Variants in DBF4 observed in about 807,000 individuals in gnomAD.
DBF4 encodes the protein DBF4-CDC7 kinase regulatory subunit, also known as protein DBF4 homolog A.
DBF4 carries 25 observed loss-of-function variants against 76.6 expected under a neutral mutation model. The ratio of observed to expected loss-of-function variants is 0.33; its 90% confidence interval spans 0.24 to 0.46. DBF4 has a LOEUF of 0.46. Ranked by LOEUF, DBF4 falls within the 20% of genes least tolerant of loss-of-function variation. DBF4 has a pLI of 1.00. For missense variants in DBF4, 638 were observed against 760.8 expected (o/e 0.84, Z 1.90); for synonymous variants, 213 against 258.0 (o/e 0.83, Z 1.67).
chr7:87,888,419 C>G, intron 6 of DBF4: 2 of 709,960 alleles, frequency 2.8e-6, no homozygotes, highest in Non-Finnish European at 3.5e-6. Context: ...TCCTTTTCAA[C>G]TGCTCTAAAT....
chr7:87,876,559 G>A lies in DBF4; in HGVS notation c.-174G>A, dbSNP rs915024538. On this transcript the variant is annotated 5_prime_UTR_variant, in exon 1 of 12. Transcript: ENST00000265728. ...CTTCCTCCTCCGCGCCTTGGAGCCGGATCCGGCCCCGGAAACCCGACCTGC... is the reference window on the plus strand; with the variant it reads ...CTTCCTCCTCCGCGCCTTGGAGCCGAATCCGGCCCCGGAAACCCGACCTGC... The A allele has an allele frequency of 7.5e-6, 5 of 664,986 alleles. No homozygotes were observed. The highest frequency in any genetic ancestry group is 1.8e-5 in the South Asian group (1 of 57,112). 41.2% of individuals were successfully genotyped at this position (664,986 alleles called of 1,614,324 possible).
chr7:87,886,459 C>T (rs930628639), intron 3 of DBF4, among the ~76,000 whole-genome samples: 4 of 138,448 alleles, frequency 2.9e-5, no homozygotes, highest in East Asian at 4.5e-4. Context: ...CACTTGAACC[C>T]GGGAGGCAGA....
At chr7:87,889,353 C>T (rs1475330537) in intron 6 of DBF4, among the ~76,000 whole-genome samples, 1 of 151,074 alleles carries the variant, frequency 6.6e-6, no homozygotes, top group Non-Finnish European at 1.5e-5. Context: ...CATCTCAGCT[C>T]ACTGCAACCT....
intron 6 of DBF4, among the ~76,000 whole-genome samples, chr7:87,889,685 C>T (rs1270152152): frequency 1.3e-5 from 2 of 151,980 alleles, no homozygotes; most frequent in Admixed American, 6.6e-5. Context: ...AATAAATTCA[C>T]GTTTATATAA....
chr7:87,901,757 T>C (rs1839795564), intron 10 of DBF4, among the ~76,000 whole-genome samples: 3 of 152,190 alleles, frequency 2.0e-5, no homozygotes. Context: ...GCTTGGACAG[T>C]GTTTGGCACA....
At chr7:87,893,355 C>T (rs2131059867) in intron 6 of DBF4, among the ~76,000 whole-genome samples, 1 of 151,350 alleles carries the variant, frequency 6.6e-6, no homozygotes, top group South Asian at 2.1e-4. Flanking sequence ...ACGCCATTCT[C>T]CTGCCTCAGC....
Position 87,900,699 on chromosome 7 carries a change from A to G in DBF4, c.810-65A>G, listed in dbSNP as rs1584370402. On this transcript the variant is annotated intron_variant, in intron 9 of 11. Coordinates refer to ENST00000265728, the MANE Select transcript of DBF4 (RefSeq NM_006716.4). ...AGATTGTGTGTGATAGTTTAGGACA[A>G]TAAATTTTTAAAGTTATTCCTTAGG... 3.0e-6 allele frequency: 4 copies of G among 1,339,442 alleles called. No homozygotes were observed. In the East Asian group the frequency reaches 6.9e-5, roughly 23 times the overall value. 83.0% of individuals were successfully genotyped at this position (1,339,442 alleles called of 1,614,324 possible).
In DBF4 at chr7:87,897,376, A is replaced by G. The variant is rs1839668746; in HGVS notation, c.680+37A>G. 2.5e-6 allele frequency: 4 copies of G among 1,587,870 alleles called. No homozygotes were observed. The South Asian group carries it at 4.6e-5, about 18-fold the overall frequency. ...AGTCCAATCTGTATGATTTAAGTGCAATACTAAAGAGGAAAATCACCTAAC... is the reference window on the plus strand; with the variant it reads ...AGTCCAATCTGTATGATTTAAGTGCGATACTAAAGAGGAAAATCACCTAAC... On this transcript the variant is annotated intron_variant, in intron 8 of 11. Transcript: ENST00000265728.
chr7:87,903,495 C>CT (rs1225120112), intron 10 of DBF4, among the ~76,000 whole-genome samples: 1 of 152,132 alleles, frequency 6.6e-6, no homozygotes, highest in Non-Finnish European at 1.5e-5. Flanking sequence ...CGAATCTTGG[C>CT]TTTTTTAGTA....
At chr7:87,894,111 T>A (rs931264137) in intron 6 of DBF4, among the ~76,000 whole-genome samples, 1 of 152,210 alleles carries the variant, frequency 6.6e-6, no homozygotes, top group Non-Finnish European at 1.5e-5. Flanking sequence ...TTAGTACATC[T>A]TCTTATAATG....
At chr7:87,888,098 G>T in intron 6 of DBF4, 39 bp downstream of exon 6, 1 of 1,524,022 alleles carries the variant, frequency 6.6e-7, no homozygotes, top group Non-Finnish European at 8.8e-7. Flanking sequence ...GACCAAGCTT[G>T]GTTTTTTTAC....
chr7:87,885,310 T>A (rs997969432), intron 3 of DBF4, 152 bp downstream of exon 3: 2 of 577,294 alleles, frequency 3.5e-6, no homozygotes, highest in Non-Finnish European at 5.8e-6. Context: ...AAAGTTGCTG[T>A]CTTTTAGGAA....
chr7:87,900,330 C>G lies in DBF4; in HGVS notation c.790C>G (p.Gln264Glu), dbSNP rs771444137. 2.5e-6 allele frequency: 4 copies of G among 1,590,060 alleles called. No homozygotes were observed. The African/African-American group carries it at 4.2e-5, about 17-fold the overall frequency. Residue 264 changes from glutamine to glutamate, a missense_variant, in exon 9 of 12, where the codon CAA (glutamine) becomes GAA (glutamate). By Grantham distance (29) the Gln-to-Glu change is conservative. Transcript: ENST00000265728. ...DVDKPSSMQK[Q>E]TQVKLRIQTD... ...AGACAAGCCATCTAGTATGCAAAAG[C>G]AAACTCAGGTTAAACTAAGGTTGGT... is the stretch of plus-strand genomic sequence containing the variant.
In DBF4 at chr7:87,878,222, A is replaced by C; in HGVS notation, c.216A>C (p.Gly72=). ...TTCAAAAGGACATTAAGGATCTGGG[A>C]GGGGTAAGTGAAAACCGTACACTGG... ...EKLQKDIKDL[G]GRVEEFLSKD... is the part of the protein sequence containing the mutation. Residue 72 remains glycine (G), a synonymous_variant, in exon 2 of 12, where the codon GGA becomes GGC. Coordinates refer to ENST00000265728, the MANE Select transcript of DBF4 (RefSeq NM_006716.4). 6.2e-7 allele frequency: 1 copy of C among 1,609,088 alleles called. No homozygotes were observed. Among genetic ancestry groups the C allele is most frequent in the Non-Finnish European group, 8.5e-7 (1 of 1,178,180 alleles).
Position 87,909,101 on chromosome 7 carries a change from C to T in DBF4, c.*938C>T, listed in dbSNP as rs1447474602. 3 of 152,078 alleles carry T rather than the reference C, an allele frequency of 2.0e-5. No homozygotes were observed. Among genetic ancestry groups the T allele is most frequent in the Non-Finnish European group, 4.4e-5 (3 of 68,054 alleles). The allele number at this position is 152,078 out of a possible 1,614,324, so 9.4% of individuals were successfully genotyped here. On this transcript the variant is annotated 3_prime_UTR_variant, in exon 12 of 12. Transcript: ENST00000265728. Reference sequence around the variant, plus strand: ...AAAAAAAAAAAAGTTGACTCTACCCCCTAATTTGGTAGGAGATGAAGGAGA... The same window carrying T: ...AAAAAAAAAAAAGTTGACTCTACCCTCTAATTTGGTAGGAGATGAAGGAGA...
rs1270489839 is a variant in DBF4, at chr7:87,907,306, A to G, written c.1168A>G (p.Thr390Ala). ...ISQKDCQEDD[T>A]TVKEQNFLYK... ...TCAGAAAGATTGCCAGGAAGATGAT[A>G]CAACAGTGAAGGAGCAGAATTTCCT... The change falls in exon 12 of 12, where the codon ACA becomes GCA. Residue 390 changes from threonine (T) to alanine (A), a missense_variant. Transcript: ENST00000265728. The G allele has an allele frequency of 6.2e-7, 1 of 1,614,056 alleles. No individual in the cohort carries two copies. Among genetic ancestry groups the G allele is most frequent in the Non-Finnish European group, 8.5e-7 (1 of 1,179,932 alleles).
intron 6 of DBF4, among the ~76,000 whole-genome samples, chr7:87,893,610 A>C (rs1839552545): frequency 1.3e-5 from 2 of 151,968 alleles, no homozygotes; most frequent in South Asian, 4.2e-4. Flanking sequence ...TGTCCCTGTT[A>C]ATTCTTATTC....
At chr7:87,900,688 AG>A in intron 9 of DBF4, 75 bp from the exon 10 acceptor site, 2 of 1,179,464 alleles carry the variant, frequency 1.7e-6, no homozygotes, top group Non-Finnish European at 1.2e-6. Flanking sequence ...TGTGTGTGAT[AG>A]TTTAGGACAA....
rs766241590 is a variant in DBF4 at position 87,900,779 on chromosome 7, C to T, written c.825C>T (p.Gly275=). Residue 275 remains glycine (G), a synonymous_variant, in exon 10 of 12, where the codon GGC becomes GGT. Coordinates refer to ENST00000265728, the MANE Select transcript of DBF4 (RefSeq NM_006716.4). The stretch of plus-strand genomic sequence containing the variant: ...CTGTCATCAGAATCCAAACAGATGG[C>T]GATAAGTATGGTGGAACCTCAATTC... ...TQVKLRIQTD[G]DKYGGTSIQL... The T allele has an allele frequency of 9.3e-6, 15 of 1,611,926 alleles. No homozygotes were observed. The highest frequency in any genetic ancestry group is 1.7e-4 in the Middle Eastern group (1 of 6,054).
Sources: allele counts gnomAD v4.1 joint callset (sites outside exome capture counted in the v4.1 genomes callset), GRCh38; gene constraint gnomAD v4.1.1; transcripts MANE v1.5; gene names NCBI Gene and HGNC (gene_info 2026-07-23, HGNC 2026-07-21).